The following ARAP2 variants were observed in gnomAD, a reference collection of about 807,000 sequenced individuals.
ARAP2 encodes the protein arf-GAP with Rho-GAP domain, ANK repeat and PH domain-containing protein 2.
A neutral mutation model predicts 194.5 loss-of-function variants in ARAP2; 148 were observed. The observed-to-expected ratio is 0.76, with a 90% CI of 0.67 to 0.87. The LOEUF is 0.87. Among genes scored for constraint, ARAP2 ranks in the 40% least tolerant of loss-of-function variants. The pLI is 0.00. For synonymous variants in ARAP2, 695 were observed against 683.5 expected (o/e 1.02, Z -0.26); for missense variants, 2,128 against 1,989.7 (o/e 1.07, Z -1.32).
At chr4:36,068,928 C>T (rs1349047892) in intron 32 of ARAP2, among the ~76,000 whole-genome samples, 2 of 152,326 alleles carry the variant, frequency 1.3e-5, no homozygotes, top group South Asian at 4.1e-4. Flanking sequence ...CAACATACCA[C>T]TTCGAAGGTG....
At chr4:36,043,549 C>T (rs1351035800) in intron 5 of ARAP2, among the ~76,000 whole-genome samples, 1 of 151,912 alleles carries the variant, frequency 6.6e-6, no homozygotes, top group Non-Finnish European at 1.5e-5. Flanking sequence ...CATAAATTTG[C>T]CAGAAGCTAA....
At chr4:36,102,376 C>A (rs1717190892) in intron 27 of ARAP2, among the ~76,000 whole-genome samples, 1 of 151,992 alleles carries the variant, frequency 6.6e-6, no homozygotes, top group Non-Finnish European at 1.5e-5. Flanking sequence ...CTCTGGAAAG[C>A]ATTCCCTAAC....
chr4:36,208,908 A>G (rs893892166), intron 6 of ARAP2, among the ~76,000 whole-genome samples: 1 of 152,180 alleles, frequency 6.6e-6, no homozygotes, highest in Non-Finnish European at 1.5e-5. Flanking sequence ...CAGAAAACTT[A>G]CAGCATCTAA....
At chr4:36,068,368 C>T in intron 32 of ARAP2, 90 bp from the exon 33 acceptor site, 1 of 1,355,860 alleles carries the variant, frequency 7.4e-7, no homozygotes, top group African/African-American at 1.5e-5. Context: ...TTGATGCTTC[C>T]TATAAAAGAT....
Position 36,229,147 on chromosome 4 carries a change from T to G in ARAP2, c.340A>C (p.Thr114Pro). Residue 114 changes from threonine to proline, a missense_variant, in exon 2 of 33, where the codon ACA becomes CCA. By Grantham distance (38) the Thr-to-Pro change is conservative (BLOSUM62 -1). Coordinates refer to ENST00000303965, the MANE Select transcript of ARAP2 (RefSeq NM_015230.4). ...GTCTCCAACTGCGGTGGGCTAGATG[T>G]CTGAACACTACCAGAATTGGAAAGT... The part of the protein sequence containing the change: ...IELSNSGSVQ[T>P]SSPPQLETVR... 6.2e-7 allele frequency: 1 copy of G among 1,614,142 alleles called. No homozygotes were observed. Among genetic ancestry groups the G allele is most frequent in the Non-Finnish European group, 8.5e-7 (1 of 1,180,012 alleles).
At chr4:36,105,120 G>T (rs1718031000) in intron 27 of ARAP2, among the ~76,000 whole-genome samples, 1 of 151,994 alleles carries the variant, frequency 6.6e-6, no homozygotes, top group Non-Finnish European at 1.5e-5. Context: ...AGCAATTCGA[G>T]ACCAGCCTGG....
intron 28 of ARAP2, among the ~76,000 whole-genome samples, chr4:36,084,190 CT>C (rs1296061160): frequency 6.6e-6 from 1 of 152,062 alleles, no homozygotes; most frequent in African/African-American, 2.4e-5. Flanking sequence ...GGGACCTCAC[CT>C]TGTGACTGTA....
rs550497743 is a variant in ARAP2 at position 36,098,583 on chromosome 4, T to A, written c.4286-6563A>T. Among the ~76,000 whole-genome samples the A allele has an allele frequency of 3.8e-4, 58 of 152,162 alleles. 2 individuals are homozygous for A. The South Asian group carries it at 0.012, about 31-fold the overall frequency. ...GAAATAAATGGACAACTCCTATACA[T>A]CTCTGTAAATTATTAAACTAAAATA... On this transcript the variant is annotated intron_variant, in intron 27 of 32. Coordinates refer to ENST00000303965, the MANE Select transcript of ARAP2 (RefSeq NM_015230.4).
chr4:36,227,351 T>C (rs949235228), intron 2 of ARAP2, among the ~76,000 whole-genome samples: 11 of 152,192 alleles, frequency 7.2e-5, no homozygotes, highest in African/African-American at 2.7e-4. Flanking sequence ...TACATGACAC[T>C]ATATTGATTT....
At position 36,161,427 on chromosome 4, in the gene ARAP2, C is replaced by T. The variant is rs747700516; in HGVS notation, c.2259+38G>A. 10 of 1,539,498 alleles carry T rather than the reference C, an allele frequency of 6.5e-6. No individual in the cohort carries two copies. The South Asian group carries it at 1.0e-4, about 16-fold the overall frequency. On this transcript the variant is annotated intron_variant, in intron 12 of 32. Coordinates refer to ENST00000303965, the MANE Select transcript of ARAP2 (RefSeq NM_015230.4). ...CTCCTCCCAGTCTCTGCAAACTGAACCCCTATCACAACCCCATTCAGGTTA... is the reference window on the plus strand; with the variant it reads ...CTCCTCCCAGTCTCTGCAAACTGAATCCCTATCACAACCCCATTCAGGTTA...
In ARAP2 at chr4:36,128,628, A is replaced by G; in HGVS notation, c.3545T>C (p.Leu1182Pro). ...TTTCAACACAGCCGTCACATCTTCA[A>G]GCTGATGTTTTCCAGCCCTCAATTT... is the stretch of plus-strand genomic sequence containing the variant. ...SFKLRAGKHQ[L>P]EDVTAVLKSF... The change falls in exon 21 of 33, where the codon CTT (leucine) becomes CCT (proline). Residue 1182 changes from leucine to proline, a missense_variant. Physicochemically the swap from Leu to Pro is moderately conservative, Grantham distance 98. Transcript: ENST00000303965. 5.6e-6 allele frequency: 9 copies of G among 1,613,050 alleles called. No homozygotes were observed. Among genetic ancestry groups the G allele is most frequent in the South Asian group, 2.2e-5 (2 of 91,054 alleles).
chr4:36,008,017 C>A (rs1249138678), intron 9 of ARAP2, among the ~76,000 whole-genome samples: 2 of 151,774 alleles, frequency 1.3e-5, no homozygotes. Flanking sequence ...TGCAGAATTA[C>A]AAAACACTGA....
chr4:36,028,399 C>T (rs1365308068), intron 5 of ARAP2, among the ~76,000 whole-genome samples: 1 of 151,932 alleles, frequency 6.6e-6, no homozygotes, highest in Non-Finnish European at 1.5e-5. Flanking sequence ...AAAATTCTAT[C>T]TCTCTTCTAG....
intron 31 of ARAP2, 66 bp downstream of exon 31, chr4:36,080,150 T>A (rs1463867339): frequency 7.5e-7 from 1 of 1,335,894 alleles, no homozygotes; most frequent in African/African-American, 1.5e-5. Flanking sequence ...GAAATCACCA[T>A]CACACTAACA....
At chr4:36,058,158 A>G (rs973934379) in intron 1 of ARAP2, 1 of 152,178 alleles carries the variant, frequency 6.6e-6, no homozygotes, top group Non-Finnish European at 1.5e-5. Context: ...ATGATAGTAA[A>G]TACAATTGAA....
chr4:36,197,466 A>T (rs987564890), intron 6 of ARAP2, among the ~76,000 whole-genome samples: 7 of 152,250 alleles, frequency 4.6e-5, no homozygotes, highest in African/African-American at 9.6e-5. Flanking sequence ...TGACAAAATA[A>T]ACACTTTGTA....
At position 36,213,276 on chromosome 4, in the gene ARAP2, C is replaced by T; in HGVS notation, c.1008G>A (p.Glu336=). ...TTTCTAGTCTCTGGAAGAGAAAGGT[C>T]TCTCCATAAGGAAAGATGGAAGATG... The part of the protein sequence containing the change: ...ENSSSIFPYG[E]TFLFQRLENS... Residue 336 remains glutamate, a synonymous_variant, in exon 4 of 33, where the codon GAG becomes GAA. Coordinates refer to ENST00000303965, the MANE Select transcript of ARAP2 (RefSeq NM_015230.4). 2 of 1,608,408 alleles carry T rather than the reference C, an allele frequency of 1.2e-6. No individual in the cohort carries two copies. The highest frequency in any genetic ancestry group is 1.3e-5 in the African/African-American group (1 of 74,830).
At chr4:36,093,645 G>C (rs891489172) in intron 27 of ARAP2, among the ~76,000 whole-genome samples, 1 of 152,054 alleles carries the variant, frequency 6.6e-6, no homozygotes, top group Non-Finnish European at 1.5e-5. Context: ...ATTGTATTTT[G>C]GATTCAGGGG....
chr4:36,193,736 T>A, intron 6 of ARAP2, 89 bp from the exon 7 acceptor site: 1 of 986,588 alleles, frequency 1.0e-6, no homozygotes, highest in South Asian at 1.8e-5. Flanking sequence ...TGTAAATATA[T>A]TATTATTTAA....
Sources: allele counts gnomAD v4.1 joint callset (sites outside exome capture counted in the v4.1 genomes callset), GRCh38; gene constraint gnomAD v4.1.1; transcripts MANE v1.5; gene names NCBI Gene and HGNC (gene_info 2026-07-23, HGNC 2026-07-21).